CLSTN2: variants seen among roughly 807,000 people sequenced by gnomAD.
CLSTN2 encodes calsyntenin 2.
CLSTN2 carries 48 observed loss-of-function variants against 101.2 expected under a neutral mutation model. That is an observed-to-expected ratio of 0.47 (90% CI 0.38 to 0.60). The LOEUF (loss-of-function observed/expected upper bound fraction) is 0.60, where lower values mean the gene tolerates loss of function less well. CLSTN2 is among the 20% of genes least tolerant of loss of function. The pLI, the probability that CLSTN2 is intolerant of heterozygous loss-of-function variation, is 0.00. For missense variants in CLSTN2, 1,160 were observed against 1,238.2 expected (o/e 0.94, Z 0.95); for synonymous variants, 481 against 463.6 (o/e 1.04, Z -0.48).
chr3:140,236,427 GT>G (rs990706745), intron 2 of CLSTN2, among the ~76,000 whole-genome samples: 1 of 151,976 alleles, frequency 6.6e-6, no homozygotes, highest in Non-Finnish European at 1.5e-5. Context: ...TCTAATATTG[GT>G]TTTCAGCAAG....
intron 2 of CLSTN2, among the ~76,000 whole-genome samples, chr3:140,351,799 T>TTG (rs1400533071): frequency 6.6e-6 from 1 of 151,746 alleles, no homozygotes; most frequent in Non-Finnish European, 1.5e-5. Flanking sequence ...TTTGTTTTTT[T>TTG]TTTTTCTTAA....
chr3:140,437,264 G>A (rs1420661200), intron 5 of CLSTN2, among the ~76,000 whole-genome samples: 1 of 151,996 alleles, frequency 6.6e-6, no homozygotes, highest in Non-Finnish European at 1.5e-5. Context: ...TAGCCAGGAT[G>A]GTCTTGATCT....
intron 2 of CLSTN2, among the ~76,000 whole-genome samples, chr3:140,364,275 T>G (rs2087760805): frequency 6.6e-6 from 1 of 152,156 alleles, no homozygotes; most frequent in Admixed American, 6.5e-5. Flanking sequence ...TGAATGGTGC[T>G]GGCCCTTCTC....
rs546164018 is a variant in CLSTN2, at chr3:140,462,335, C to A, written c.1222+2566C>A. Among the ~76,000 whole-genome samples the A allele has an allele frequency of 3.9e-5, 6 of 152,100 alleles. No individual in the cohort carries two copies. The South Asian group carries it at 1.2e-3, about 32-fold the overall frequency. The stretch of plus-strand genomic sequence containing the variant: ...ATTTATCATACTTCATGTCACTGGC[C>A]CCCTTTCATTAGATATTTAGATTGT... On this transcript the variant is annotated intron_variant, in intron 7 of 16. Coordinates refer to ENST00000458420, the MANE Select transcript of CLSTN2 (RefSeq NM_022131.3).
intron 9 of CLSTN2, among the ~76,000 whole-genome samples, chr3:140,532,924 T>G (rs1935287961): frequency 6.6e-6 from 1 of 152,158 alleles, no homozygotes; most frequent in Non-Finnish European, 1.5e-5. Context: ...TTCTGGGAAC[T>G]CACAAATGCC....
intron 8 of CLSTN2, among the ~76,000 whole-genome samples, chr3:140,518,339 G>A (rs927575126): frequency 2.0e-5 from 3 of 152,178 alleles, no homozygotes; most frequent in Non-Finnish European, 4.4e-5. Flanking sequence ...TTGCATTCAG[G>A]TGAAATTGTT....
At chr3:140,389,711 T>C (rs889462246) in intron 2 of CLSTN2, among the ~76,000 whole-genome samples, 7 of 152,248 alleles carry the variant, frequency 4.6e-5, no homozygotes, top group African/African-American at 1.7e-4. Flanking sequence ...ATCACCACAC[T>C]GTCTTCCACA....
At chr3:140,454,855 C>T (rs1203442624) in intron 6 of CLSTN2, 2 of 152,198 alleles carry the variant, frequency 1.3e-5, no homozygotes, top group Non-Finnish European at 2.9e-5. Flanking sequence ...TCTATCAGAG[C>T]AAGTCTCATG....
chr3:140,425,455 C>A (rs534054407), intron 5 of CLSTN2, among the ~76,000 whole-genome samples: 1 of 152,302 alleles, frequency 6.6e-6, no homozygotes, highest in South Asian at 2.1e-4. Flanking sequence ...CCGGCTCTTC[C>A]GCTGCCTGCC....
At chr3:140,331,896 A>C (rs559684376) in intron 2 of CLSTN2, among the ~76,000 whole-genome samples, 2 of 152,304 alleles carry the variant, frequency 1.3e-5, no homozygotes, top group South Asian at 4.1e-4. Context: ...TGTTCCCTCC[A>C]AACCACTACC....
At chr3:140,244,414 TTC>T (rs2086497165) in intron 2 of CLSTN2, among the ~76,000 whole-genome samples, 1 of 152,178 alleles carries the variant, frequency 6.6e-6, no homozygotes, top group South Asian at 2.1e-4. Context: ...CTGTGCCCCT[TTC>T]TCTCCTCCAC....
chr3:140,538,755 C>T (rs533429201), intron 9 of CLSTN2, among the ~76,000 whole-genome samples: 1 of 152,318 alleles, frequency 6.6e-6, no homozygotes. Context: ...CACATGCTAG[C>T]AGAGTCTGCC....
chr3:139,990,103 T>G (rs1936092172), intron 1 of CLSTN2, among the ~76,000 whole-genome samples: 1 of 152,242 alleles, frequency 6.6e-6, no homozygotes, highest in African/African-American at 2.4e-5. Context: ...TGAGTCATTT[T>G]GGTAATGATT....
intron 2 of CLSTN2, among the ~76,000 whole-genome samples, chr3:140,356,088 T>C (rs1027183031): frequency 2.0e-5 from 3 of 152,322 alleles, no homozygotes; most frequent in Admixed American, 1.3e-4. Context: ...ATCTCCACCA[T>C]GCAGATTTGT....
chr3:140,193,816 T>C (rs1183707945), intron 2 of CLSTN2, among the ~76,000 whole-genome samples: 1 of 152,090 alleles, frequency 6.6e-6, no homozygotes, highest in East Asian at 1.9e-4. Flanking sequence ...TGAGGCTCTG[T>C]ATTTTGTAAG....
At chr3:140,485,794 G>A (rs961006722) in intron 8 of CLSTN2, among the ~76,000 whole-genome samples, 3 of 152,106 alleles carry the variant, frequency 2.0e-5, no homozygotes, top group Admixed American at 6.5e-5. Flanking sequence ...CGTTTGCTAA[G>A]ACCATTGGAA....
intron 2 of CLSTN2, among the ~76,000 whole-genome samples, chr3:140,264,429 A>ATAT: frequency 9.9e-6 from 1 of 101,252 alleles, no homozygotes; most frequent in Non-Finnish European, 2.1e-5. Context: ...TATATATATA[A>ATAT]AATTAGGCAT....
intron 2 of CLSTN2, among the ~76,000 whole-genome samples, chr3:140,235,364 T>G (rs903332847): frequency 6.6e-6 from 1 of 152,148 alleles, no homozygotes; most frequent in African/African-American, 2.4e-5. Flanking sequence ...AGGTCAGCCA[T>G]GTAGCCCTCC....
chr3:140,015,730 G>A (rs2007187027), intron 1 of CLSTN2, among the ~76,000 whole-genome samples: 1 of 152,240 alleles, frequency 6.6e-6, no homozygotes, highest in Admixed American at 6.5e-5. Context: ...TGGAAGCTGG[G>A]CCTAGGGCCC....
Sources: allele counts gnomAD v4.1 joint callset (sites outside exome capture counted in the v4.1 genomes callset), GRCh38; gene constraint gnomAD v4.1.1; transcripts MANE v1.5; gene names NCBI Gene and HGNC (gene_info 2026-07-23, HGNC 2026-07-21).